The following MTM1 variants were observed in gnomAD, a reference collection of about 807,000 sequenced individuals.
MTM1 encodes the protein myotubularin.
A neutral mutation model predicts 52.1 loss-of-function variants in MTM1; 9 were observed. The ratio of observed to expected loss-of-function variants is 0.17; its 90% CI spans 0.10 to 0.30. The LOEUF is 0.30. Ranked by LOEUF, MTM1 falls within the 10% of genes least tolerant of loss-of-function variation. The probability of loss-of-function intolerance (pLI) is 1.00; values close to 1 mark genes in which losing one functional copy is unlikely to be tolerated. For missense variants in MTM1, 277 were observed against 470.7 expected, an observed-to-expected ratio of 0.59 and a Z score of 3.81; for synonymous variants, 136 against 163.8, an observed-to-expected ratio of 0.83 and a Z score of 1.29.
chrX:150,583,131 TTATATAAATTATAAATA>T (rs1293436005), intron 1 of MTM1, among the ~76,000 whole-genome samples: 68 of 80,945 alleles, frequency 8.4e-4, no homozygotes, highest in African/African-American at 3.1e-3. Context: ...AAATTATATA[TTATATAAATTATAAATA>T]TATATAAATT....
chrX:150,611,021 C>G (rs782337828), intron 4 of MTM1, among the ~76,000 whole-genome samples: 2 of 112,040 alleles, frequency 1.8e-5, no homozygotes, highest in Admixed American at 1.9e-4. Flanking sequence ...AATAACTGCA[C>G]TGTATCGATA....
At chrX:150,639,240 C>T (rs1220839968) in intron 7 of MTM1, among the ~76,000 whole-genome samples, 1 of 112,263 alleles carries the variant, frequency 8.9e-6, no homozygotes. Context: ...CAAGCTGCAT[C>T]GAAGACTGGG....
chrX:150,612,256 A>G (rs2039295535), intron 4 of MTM1, among the ~76,000 whole-genome samples: 1 of 111,109 alleles, frequency 9.0e-6, no homozygotes, highest in African/African-American at 3.3e-5. Flanking sequence ...TCCAGGTTCC[A>G]TGTATCCATA....
At chrX:150,565,598 G>C (rs1351519407), upstream of MTM1, among the ~76,000 whole-genome samples, 1 of 110,730 alleles carries the variant, frequency 9.0e-6, no homozygotes, top group Admixed American at 9.6e-5. Flanking sequence ...CCATTTCCTC[G>C]CTCGGGCCTG....
chrX:150,640,148 C>T (rs1315779449), intron 7 of MTM1, among the ~76,000 whole-genome samples: 4 of 111,906 alleles, frequency 3.6e-5, no homozygotes, highest in African/African-American at 1.3e-4. Flanking sequence ...ACCATGAAAA[C>T]ATTTTGCATG....
rs2040415726 is a variant in MTM1 at position 150,672,885 on chromosome X, A to G, written c.*1290A>G. On this transcript the variant is annotated 3_prime_UTR_variant, in exon 15 of 15. Coordinates refer to ENST00000370396, the MANE Select transcript of MTM1 (RefSeq NM_000252.3). ...ATATCTTTGTAAATTATTTTATGTCATAGTTTAATTGGTCTACCAAGTAAG... is the reference window on the plus strand; with the variant it reads ...ATATCTTTGTAAATTATTTTATGTCGTAGTTTAATTGGTCTACCAAGTAAG... 8.9e-6 allele frequency: 1 copy of G among 112,603 alleles called. No individual in the cohort carries two copies. The highest frequency in any genetic ancestry group is 9.4e-5 in the Admixed American group (1 of 10,607). 9.3% of individuals were successfully genotyped at this position (112,603 alleles called of 1,213,427 possible). A position where few individuals can be genotyped will look rare whatever the true frequency, so the allele number is the denominator to read the frequency against.
At chrX:150,572,744 A>T (rs186300822) in intron 1 of MTM1, among the ~76,000 whole-genome samples, 78 of 112,567 alleles carry the variant, frequency 6.9e-4, no homozygotes, top group Admixed American at 2.2e-3. Context: ...TAGAATAAAA[A>T]GCGATCCAGG....
rs868935656 is a variant in MTM1, at chrX:150,583,383, A to G, written c.-10-9222A>G. 3.4e-3 allele frequency among the ~76,000 whole-genome samples: 53 copies of G among 15,658 alleles called. 8 individuals carry two copies. The highest frequency in any genetic ancestry group is 4.3e-3 in the Non-Finnish European group (53 of 12,225). The allele number at this position is 15,658 out of a possible 115,157, so 13.6% of individuals were successfully genotyped here. ...TATATAAATTATATATATTATATATAATATAATATATATAAATTATATATA... is the reference window on the plus strand; with the variant it reads ...TATATAAATTATATATATTATATATGATATAATATATATAAATTATATATA... On this transcript the variant is annotated intron_variant, in intron 1 of 14. Coordinates refer to ENST00000370396, the MANE Select transcript of MTM1 (RefSeq NM_000252.3).
intron 1 of MTM1, among the ~76,000 whole-genome samples, chrX:150,569,990 G>A: frequency 8.9e-6 from 1 of 112,295 alleles, no homozygotes; most frequent in East Asian, 2.8e-4. Flanking sequence ...TGCAGCACCA[G>A]TGTATAGTAC....
chrX:150,596,451 G>T, intron 2 of MTM1, 47 bp from the exon 3 acceptor site: 1 of 1,005,142 alleles, frequency 9.9e-7, no homozygotes, highest in Non-Finnish European at 1.4e-6. Context: ...TAAAAACAGT[G>T]TGTAAATGTA....
At chrX:150,669,653 C>T (rs1038263731) in intron 14 of MTM1, among the ~76,000 whole-genome samples, 2 of 112,013 alleles carry the variant, frequency 1.8e-5, no homozygotes, top group Non-Finnish European at 3.8e-5. Flanking sequence ...CTTTGTTGGC[C>T]GCATTGTGTG....
chrX:150,666,078 A>G (rs1406093806), intron 14 of MTM1, among the ~76,000 whole-genome samples: 2 of 112,612 alleles, frequency 1.8e-5, no homozygotes, highest in East Asian at 5.6e-4. Flanking sequence ...AAGGGATATG[A>G]ATATGAAAAT....
chrX:150,648,347 A>G (rs1758900846), intron 9 of MTM1, among the ~76,000 whole-genome samples: 2 of 112,007 alleles, frequency 1.8e-5, no homozygotes, highest in African/African-American at 3.2e-5. Context: ...AAAAACAAAA[A>G]AAAACCTAAG....
At chrX:150,575,458 T>G in intron 1 of MTM1, among the ~76,000 whole-genome samples, 1 of 112,466 alleles carries the variant, frequency 8.9e-6, no homozygotes, top group South Asian at 3.7e-4. Context: ...TCACCTGGAC[T>G]TCGAGTTGAA....
rs1557413218 is a variant in MTM1 at position 150,619,156 on chromosome X, T to C, written c.444+17T>C. On this transcript the variant is annotated intron_variant, in intron 6 of 14. Transcript: ENST00000370396. Reference sequence around the variant, plus strand: ...CACAGTCTGGTAAATTCCAGTGCTCTCCTCAGCGTGGGAAGGTTCTCAGTG... The same window carrying C: ...CACAGTCTGGTAAATTCCAGTGCTCCCCTCAGCGTGGGAAGGTTCTCAGTG... The C allele has an allele frequency of 2.6e-6, 3 of 1,140,154 alleles. No homozygotes were observed. The highest frequency in any genetic ancestry group is 4.3e-5 in the Admixed American group (2 of 45,997). The allele number at this position is 1,140,154 out of a possible 1,213,427, so 94.0% of individuals were successfully genotyped here.
At chrX:150,570,207 G>C (rs1425828407) in intron 1 of MTM1, among the ~76,000 whole-genome samples, 1 of 107,781 alleles carries the variant, frequency 9.3e-6, no homozygotes, top group African/African-American at 3.5e-5. Flanking sequence ...CTGCCTTATA[G>C]AGTTTATATG....
chrX:150,582,868 T>C (rs1173802051), intron 1 of MTM1, among the ~76,000 whole-genome samples: 3 of 106,241 alleles, frequency 2.8e-5, no homozygotes, highest in African/African-American at 1.0e-4. Flanking sequence ...GTGGGACTTC[T>C]TTACAGCAGC....
At chrX:150,565,632 C>A (rs2038252726), upstream of MTM1, among the ~76,000 whole-genome samples, 1 of 110,923 alleles carries the variant, frequency 9.0e-6, no homozygotes, top group South Asian at 3.8e-4. Context: ...AGGTGAGAGG[C>A]CAGAGGTGGA....
intron 1 of MTM1, among the ~76,000 whole-genome samples, chrX:150,583,141 TATAA>T (rs1440378519): frequency 1.3e-5 from 1 of 78,503 alleles, no homozygotes; most frequent in African/African-American, 5.1e-5. Context: ...TTATATAAAT[TATAA>T]ATATATATAA....
Sources: allele counts gnomAD v4.1 joint callset (sites outside exome capture counted in the v4.1 genomes callset), GRCh38; gene constraint gnomAD v4.1.1; transcripts MANE v1.5; gene names NCBI Gene and HGNC (gene_info 2026-07-23, HGNC 2026-07-21).